ZNF236: variants seen among roughly 807,000 people sequenced by gnomAD.
The protein encoded by ZNF236 is zinc finger protein 236.
A neutral mutation model predicts 191.2 loss-of-function variants in ZNF236; 50 were observed. The ratio of observed to expected loss-of-function variants is 0.26; its 90% CI spans 0.21 to 0.33. ZNF236 has a LOEUF of 0.33. ZNF236 is among the 10% of genes least tolerant of loss of function. The probability of loss-of-function intolerance (pLI) is 1.00; values close to 1 mark genes in which losing one functional copy is unlikely to be tolerated. For missense variants in ZNF236, 1,754 were observed against 2,374.5 expected (o/e 0.74, Z 5.43); for synonymous variants, 907 against 928.8 (o/e 0.98, Z 0.43).
At chr18:76,827,709 A>G (rs1331191478) in intron 1 of ZNF236, among the ~76,000 whole-genome samples, 12 of 152,194 alleles carry the variant, frequency 7.9e-5, no homozygotes. Context: ...ATATTTGTTG[A>G]AGTAGTCAGG....
chr18:76,827,353 TC>T (rs1429328886), intron 1 of ZNF236, among the ~76,000 whole-genome samples: 2 of 152,032 alleles, frequency 1.3e-5, no homozygotes, highest in African/African-American at 4.8e-5. Flanking sequence ...GCCCGGCTAA[TC>T]TTTTTGTATT....
At chr18:76,909,773 A>G (rs1287739548) in intron 14 of ZNF236, among the ~76,000 whole-genome samples, 1 of 152,252 alleles carries the variant, frequency 6.6e-6, no homozygotes, top group Non-Finnish European at 1.5e-5. Flanking sequence ...GCCTGCAACC[A>G]TGCACACGCA....
chr18:76,947,066 G>C (rs1455514276), intron 26 of ZNF236, among the ~76,000 whole-genome samples: 2 of 151,738 alleles, frequency 1.3e-5, no homozygotes, highest in Non-Finnish European at 2.9e-5. Flanking sequence ...CGCTGCCCCT[G>C]GCAACTGCCA....
intron 3 of ZNF236, among the ~76,000 whole-genome samples, chr18:76,862,303 A>T (rs898947714): frequency 6.6e-6 from 1 of 152,184 alleles, no homozygotes; most frequent in Non-Finnish European, 1.5e-5. Context: ...GGTCCAACAG[A>T]ACAGAAAATC....
intron 17 of ZNF236, 141 bp from the exon 18 acceptor site, chr18:76,913,606 C>A: frequency 1.2e-6 from 1 of 810,072 alleles, no homozygotes; most frequent in Non-Finnish European, 1.9e-6. Context: ...TTGGAGAGCA[C>A]ACCTAGGTTC....
At chr18:76,864,479 C>T (rs1247954036) in intron 3 of ZNF236, among the ~76,000 whole-genome samples, 10 of 152,042 alleles carry the variant, frequency 6.6e-5, no homozygotes, top group Non-Finnish European at 1.3e-4. Flanking sequence ...GGATTACAGG[C>T]GTGAGCCACC....
intron 10 of ZNF236, among the ~76,000 whole-genome samples, chr18:76,896,243 G>A (rs1977404690): frequency 6.7e-6 from 1 of 149,990 alleles, no homozygotes; most frequent in Non-Finnish European, 1.5e-5. Context: ...ACCAAACACA[G>A]TACTAAATAC....
intron 4 of ZNF236, among the ~76,000 whole-genome samples, chr18:76,869,212 G>A (rs1005028894): frequency 1.3e-5 from 2 of 152,190 alleles, no homozygotes; most frequent in Non-Finnish European, 1.5e-5. Context: ...GTACCCAACC[G>A]TTAAAACTCA....
chr18:76,851,736 T>A, intron 2 of ZNF236, 39 bp from the exon 3 acceptor site: 2 of 1,584,754 alleles, frequency 1.3e-6, no homozygotes, highest in Non-Finnish European at 1.7e-6. Context: ...TGTGAAAAGA[T>A]TGTATTTCAG....
chr18:76,930,485 C>T (rs987458435), intron 25 of ZNF236, among the ~76,000 whole-genome samples: 2 of 152,194 alleles, frequency 1.3e-5, no homozygotes, highest in African/African-American at 4.8e-5. Context: ...AGTTGCCATA[C>T]TATTTGATTT....
rs1599436006 is a variant in ZNF236, at chr18:76,969,092, A to G, written c.*753A>G. On this transcript the variant is annotated 3_prime_UTR_variant, in exon 31 of 31. Coordinates refer to ENST00000320610, the MANE Select transcript of ZNF236 (RefSeq NM_001306089.2). ...CAGGTCCAGGGTTACATAATTGCAG[A>G]AGCACAAGCCATACATCGCAGGTAG... The G allele has an allele frequency of 1.6e-6, 1 of 630,372 alleles. No individual in the cohort carries two copies. Among genetic ancestry groups the G allele is most frequent in the East Asian group, 1.4e-4 (1 of 7,202 alleles). The allele number at this position is 630,372 out of a possible 1,614,324, so 39.0% of individuals were successfully genotyped here.
At chr18:76,866,927 G>A (rs150057701) in intron 3 of ZNF236, among the ~76,000 whole-genome samples, 254 of 152,300 alleles carry the variant, frequency 1.7e-3, no homozygotes, top group African/African-American at 5.8e-3. Context: ...CTGTGGCCTG[G>A]GAGGTGCTGG....
chr18:76,867,666 G>A (rs538503271), intron 3 of ZNF236, among the ~76,000 whole-genome samples: 1 of 152,318 alleles, frequency 6.6e-6, no homozygotes, highest in African/African-American at 2.4e-5. Context: ...AACTCCAAAT[G>A]AGTGAATTAA....
chr18:76,927,223 G>A lies in ZNF236; in HGVS notation c.4173+41G>A. 1 of 1,611,424 alleles carries A rather than the reference G, an allele frequency of 6.2e-7. No homozygotes were observed. Among genetic ancestry groups the A allele is most frequent in the Non-Finnish European group, 8.5e-7 (1 of 1,177,804 alleles). ...TGGTCTCCTGTGCTGTAATTCTCTT[G>A]GCATCACAGAGAAGCATGAAGTTTT... On this transcript the variant is annotated intron_variant, in intron 23 of 30. Coordinates refer to ENST00000320610, the MANE Select transcript of ZNF236 (RefSeq NM_001306089.2). This position sits in a 1 kb window ranked among gnomAD's most constrained non-coding sequence, Gnocchi z 5.4.
rs545834787 is a variant in ZNF236 at position 76,869,957 on chromosome 18, A to C, written c.542+1094A>C. 5.9e-5 allele frequency among the ~76,000 whole-genome samples: 9 copies of C among 152,182 alleles called. No individual in the cohort carries two copies. In the South Asian group the frequency reaches 1.9e-3, roughly 32 times the overall value. On this transcript the variant is annotated intron_variant, in intron 4 of 30. Transcript: ENST00000320610. ...GGCGACACAGCGAGACTCTGTCTCC[A>C]AAAAAAATAAAATAAAATAAAGGCA...
In ZNF236 at chr18:76,895,250, C is replaced by G; in HGVS notation, c.1655C>G (p.Ser552Cys). 6.3e-7 allele frequency: 1 copy of G among 1,599,812 alleles called. No homozygotes were observed. The highest frequency in any genetic ancestry group is 8.5e-7 in the Non-Finnish European group (1 of 1,179,930). Residue 552 changes from serine (S) to cysteine (C), a missense_variant, in exon 10 of 31, where the codon TCT (serine) becomes TGT (cysteine). Around this residue, in one of 5 missense-constraint regions of ZNF236, gnomAD observed 641 missense variants for 869.6 expected, o/e 0.74. Transcript: ENST00000320610. ...CQYCMKSFSTSGSLKVHIRLH... is the reference protein window; with the variant it reads ...CQYCMKSFSTCGSLKVHIRLH... ...TACTGCATGAAGAGCTTCTCCACCT[C>G]TGGCAGCCTCAAGGTGCACATTCGC...
rs957449740 is a variant in ZNF236, at chr18:76,972,139, C to T, written c.*3800C>T. Reference sequence around the variant, plus strand: ...ATGAAATTTCAAAAGCGCCTACACGCACCACCCAATTTAATGTCGTATCTG... The same window carrying T: ...ATGAAATTTCAAAAGCGCCTACACGTACCACCCAATTTAATGTCGTATCTG... On this transcript the variant is annotated 3_prime_UTR_variant, in exon 31 of 31. Transcript: ENST00000320610. Among the ~76,000 whole-genome samples the T allele has an allele frequency of 2.6e-5, 4 of 152,222 alleles. No homozygotes were observed. The highest frequency in any genetic ancestry group is 6.5e-5 in the Admixed American group (1 of 15,286).
At chr18:76,942,776 A>G (rs1053759787) in intron 26 of ZNF236, among the ~76,000 whole-genome samples, 1 of 150,322 alleles carries the variant, frequency 6.7e-6, no homozygotes, top group African/African-American at 2.4e-5. Flanking sequence ...GGCCTCACAA[A>G]GTGCTGGGAT....
intron 10 of ZNF236, 115 bp from the exon 11 acceptor site, chr18:76,898,904 C>A: frequency 2.4e-6 from 2 of 849,788 alleles, no homozygotes; most frequent in Non-Finnish European, 3.7e-6. Flanking sequence ...ATAAGCATGG[C>A]CTAATAAATT....
Sources: allele counts gnomAD v4.1 joint callset (sites outside exome capture counted in the v4.1 genomes callset), GRCh38; gene constraint gnomAD v4.1.1; regional missense constraint gnomAD v4.1.1; non-coding constraint Gnocchi (gnomAD v3.1); transcripts MANE v1.5; gene names NCBI Gene and HGNC (gene_info 2026-07-23, HGNC 2026-07-21).